The following SLIT2 variants were observed in gnomAD, a reference collection of about 807,000 sequenced individuals.
SLIT2 encodes the protein slit homolog 2 protein.
A neutral mutation model predicts 185.7 loss-of-function variants in SLIT2; 41 were observed. That is an observed-to-expected ratio of 0.22 (90% CI 0.17 to 0.29). The LOEUF (loss-of-function observed/expected upper bound fraction) is 0.29. Ranked by LOEUF, SLIT2 falls within the 10% of genes least tolerant of loss-of-function variation. The probability of loss-of-function intolerance (pLI) is 1.00; values close to 1 mark genes in which losing one functional copy is unlikely to be tolerated. For synonymous variants in SLIT2, 693 were observed against 680.2 expected, an observed-to-expected ratio of 1.02 and a Z score of -0.29; for missense variants, 1,571 against 1,909.0, an observed-to-expected ratio of 0.82 and a Z score of 3.30.
rs1479366495 is a variant in SLIT2 at position 20,620,362 on chromosome 4, TG to T, written c.*1355del. ...CTAAATTACAATGTAGAATTGATAATGGTTTATAGTGAACTGTGCTCTTCCC... is the reference window on the plus strand; with the variant it reads ...CTAAATTACAATGTAGAATTGATAATGTTTATAGTGAACTGTGCTCTTCCC... On this transcript the variant is annotated 3_prime_UTR_variant, in exon 37 of 37. Transcript: ENST00000504154. The T allele has an allele frequency of 2.3e-6, 1 of 443,210 alleles. No individual in the cohort carries two copies. Among genetic ancestry groups the T allele is most frequent in the Non-Finnish European group, 4.5e-6 (1 of 223,576 alleles). 27.5% of individuals were successfully genotyped at this position (443,210 alleles called of 1,614,324 possible).
At chr4:20,465,769 G>T (rs1430154007) in intron 4 of SLIT2, among the ~76,000 whole-genome samples, 1 of 152,124 alleles carries the variant, frequency 6.6e-6, no homozygotes, top group Non-Finnish European at 1.5e-5. Flanking sequence ...TCATCTCCCT[G>T]ACTTTCCGCC....
intron 3 of SLIT2, among the ~76,000 whole-genome samples, chr4:20,260,922 C>G (rs1446563574): frequency 2.3e-5 from 3 of 130,014 alleles, no homozygotes; most frequent in Admixed American, 7.0e-5. Context: ...TTCTTTCTTC[C>G]TTACCTCTCT....
At chr4:20,406,522 T>C (rs1159091463) in intron 4 of SLIT2, among the ~76,000 whole-genome samples, 1 of 143,806 alleles carries the variant, frequency 7.0e-6, no homozygotes, top group African/African-American at 2.4e-5. Context: ...AATGAGAATA[T>C]ACAAATGGCT....
In SLIT2 at chr4:20,620,465, G is replaced by T. The variant is rs191709836; in HGVS notation, c.*1456G>T. The T allele has an allele frequency of 0.015, 6,953 of 453,156 alleles. 170 individuals are homozygous for T. The highest frequency in any genetic ancestry group is 0.054 in the South Asian group (3,420 of 63,582). 28.1% of individuals were successfully genotyped at this position (453,156 alleles called of 1,614,324 possible). On this transcript the variant is annotated 3_prime_UTR_variant, in exon 37 of 37. Transcript: ENST00000504154. Reference sequence around the variant, plus strand: ...ACTTCTTTTTTTACAAAGAAAATTAGATGTACATGTATAATTCAGTGTGCT... The same window carrying T: ...ACTTCTTTTTTTACAAAGAAAATTATATGTACATGTATAATTCAGTGTGCT...
chr4:20,312,771 CAAAA>C lies in SLIT2; in HGVS notation c.395+43909_395+43912del, dbSNP rs34372893. Among the ~76,000 whole-genome samples the C allele has an allele frequency of 9.9e-3, 1,011 of 102,178 alleles. 16 individuals carry two copies. The highest frequency in any genetic ancestry group is 0.037 in the African/African-American group (913 of 24,744). The allele number at this position is 102,178 out of a possible 152,430, so 67.0% of individuals were successfully genotyped here. A position where few individuals can be genotyped will look rare whatever the true frequency, so the allele number is the denominator to read the frequency against. On this transcript the variant is annotated intron_variant, in intron 4 of 36. Transcript: ENST00000504154. ...CTGGCGATAGAGTGAGACTTTGTCT[CAAAA>C]AAAAAAAAAAAAAAAAAAGAAAGAA...
intron 33 of SLIT2, among the ~76,000 whole-genome samples, chr4:20,606,068 G>A (rs777430127): frequency 2.6e-5 from 4 of 152,222 alleles, no homozygotes; most frequent in Middle Eastern, 3.4e-3. Context: ...AATTTTAAAC[G>A]AATGTGTAGA....
At chr4:20,609,161 C>G (rs1163864802) in intron 33 of SLIT2, among the ~76,000 whole-genome samples, 2 of 152,170 alleles carry the variant, frequency 1.3e-5, no homozygotes, top group Admixed American at 6.5e-5. Context: ...TAATTGCACT[C>G]AACTTCATCT....
intron 4 of SLIT2, among the ~76,000 whole-genome samples, chr4:20,422,363 A>G (rs188384043): frequency 4.9e-4 from 74 of 152,266 alleles, no homozygotes; most frequent in Middle Eastern, 3.4e-3. Flanking sequence ...GAAAAGAAAT[A>G]CATGTTAAAG....
chr4:20,451,977 TACGTTAA>T (rs1712524363), intron 4 of SLIT2, among the ~76,000 whole-genome samples: 1 of 152,228 alleles, frequency 6.6e-6, no homozygotes, highest in Non-Finnish European at 1.5e-5. Flanking sequence ...GCATTTGCGT[TACGTTAA>T]AAATGTTAAA....
intron 4 of SLIT2, among the ~76,000 whole-genome samples, chr4:20,344,274 A>C (rs771049107): frequency 1.3e-5 from 2 of 152,212 alleles, no homozygotes; most frequent in Admixed American, 1.3e-4. Context: ...TAAAGTTGAC[A>C]ATGATGTAAG....
chr4:20,348,994 A>G (rs1008447531), intron 4 of SLIT2, among the ~76,000 whole-genome samples: 8 of 152,324 alleles, frequency 5.3e-5, no homozygotes, highest in South Asian at 4.1e-4. Context: ...GCCTTTTCCT[A>G]GAATCAGTAG....
chr4:20,437,451 C>T (rs984841656), intron 4 of SLIT2, among the ~76,000 whole-genome samples: 16 of 152,104 alleles, frequency 1.1e-4, no homozygotes, highest in African/African-American at 3.6e-4. Context: ...CCTGTCTCTA[C>T]AAAAAAATTA....
chr4:20,533,432 G>T (rs1396931363), intron 17 of SLIT2, 140 bp from the exon 18 acceptor site: 3 of 638,618 alleles, frequency 4.7e-6, no homozygotes, highest in Non-Finnish European at 8.4e-6. Flanking sequence ...TAAGGAAGTG[G>T]AATCTTTTCA....
chr4:20,596,230 A>C (rs1423714514), intron 31 of SLIT2, among the ~76,000 whole-genome samples, 185 bp from the exon 32 acceptor site: 2 of 152,296 alleles, frequency 1.3e-5, no homozygotes, highest in East Asian at 3.9e-4. Flanking sequence ...AGACAGGATG[A>C]GTAAGTTTGG....
rs201083521 is a variant in SLIT2 at position 20,595,660 on chromosome 4, A to G, written c.3183-37A>G. On this transcript the variant is annotated intron_variant, in intron 30 of 36. Coordinates refer to ENST00000504154, the MANE Select transcript of SLIT2 (RefSeq NM_004787.4). ...ATGCATTGTTTACTTATTTTGGCTC[A>G]GTTGGGTTTGAAACCATTACCTGCT... The G allele has an allele frequency of 2.6e-4, 419 of 1,608,198 alleles. No homozygotes were observed. The African/African-American group carries it at 5.0e-3, about 19-fold the overall frequency.
intron 4 of SLIT2, among the ~76,000 whole-genome samples, chr4:20,460,246 AATAAG>A (rs1350948445): frequency 6.6e-6 from 1 of 152,130 alleles, no homozygotes; most frequent in African/African-American, 2.4e-5. Flanking sequence ...ATTCTGCAGA[AATAAG>A]ATGAGTTAAC....
intron 4 of SLIT2, among the ~76,000 whole-genome samples, chr4:20,333,605 G>A (rs1720247347): frequency 6.6e-6 from 1 of 152,024 alleles, no homozygotes; most frequent in Admixed American, 6.6e-5. Context: ...TTTAAAATCT[G>A]TTAACTGACA....
At chr4:20,534,370 G>A (rs1292564832) in intron 18 of SLIT2, among the ~76,000 whole-genome samples, 1 of 151,980 alleles carries the variant, frequency 6.6e-6, no homozygotes, top group Non-Finnish European at 1.5e-5. Context: ...AGGGTGTTTG[G>A]GGGAAAAAAT....
At chr4:20,317,357 C>T (rs897023103) in intron 4 of SLIT2, among the ~76,000 whole-genome samples, 1 of 151,542 alleles carries the variant, frequency 6.6e-6, no homozygotes, top group Non-Finnish European at 1.5e-5. Flanking sequence ...TTTAAGGTAC[C>T]AAAGCATTCA....
Sources: gnomAD v4.1 joint callset for allele counts (sites outside exome capture counted in the v4.1 genomes callset) on GRCh38, gnomAD v4.1.1 for gene constraint, MANE v1.5 for transcripts, NCBI Gene and HGNC (gene_info 2026-07-23, HGNC 2026-07-21) for gene names.